Variants in CASK observed in about 807,000 individuals in gnomAD.
CASK encodes the protein calcium/calmodulin dependent serine protein kinase, also known as peripheral plasma membrane protein CASK.
CASK carries 4 observed loss-of-function variants against 82.9 expected under a neutral mutation model. The ratio of observed to expected loss-of-function variants is 0.05; its 90% CI spans 0.02 to 0.11. The LOEUF is 0.11. CASK is among the 10% of genes least tolerant of loss of function. The probability of loss-of-function intolerance (pLI) is 1.00; values close to 1 mark genes in which losing one functional copy is unlikely to be tolerated. For missense variants in CASK, 358 were observed against 720.9 expected, an observed-to-expected ratio of 0.50 and a Z score of 5.76; for synonymous variants, 259 against 253.5, an observed-to-expected ratio of 1.02 and a Z score of -0.20.
chrX:41,899,266 A>G (rs745790228), intron 1 of CASK, among the ~76,000 whole-genome samples: 3 of 111,660 alleles, frequency 2.7e-5, no homozygotes, highest in Admixed American at 1.9e-4. Flanking sequence ...TTTGCACAGA[A>G]TATCTTTTTC....
At chrX:41,786,359 T>TC (rs1206007569) in intron 3 of CASK, among the ~76,000 whole-genome samples, 6 of 110,928 alleles carry the variant, frequency 5.4e-5, no homozygotes, top group Admixed American at 4.8e-4. Flanking sequence ...TATCTTCTGT[T>TC]TTTTTTCCTA....
intron 21 of CASK, among the ~76,000 whole-genome samples, chrX:41,545,043 TG>T (rs1418785548): frequency 9.0e-6 from 1 of 111,524 alleles, no homozygotes; most frequent in Non-Finnish European, 1.9e-5. Context: ...TTTTTGTTTT[TG>T]AGACAGATTC....
intron 21 of CASK, among the ~76,000 whole-genome samples, chrX:41,552,317 T>G (rs997024962): frequency 5.5e-5 from 6 of 109,943 alleles, no homozygotes; most frequent in Admixed American, 3.9e-4. Flanking sequence ...TTTTTTTTCA[T>G]CAGGAGGATT....
intron 3 of CASK, among the ~76,000 whole-genome samples, chrX:41,776,282 C>T (rs1323739650): frequency 8.9e-6 from 1 of 112,125 alleles, no homozygotes. Flanking sequence ...TTTTCAGCTC[C>T]ATTATACTCT....
chrX:41,676,431 T>C (rs1261421306), intron 5 of CASK: 2 of 1,196,190 alleles, frequency 1.7e-6, no homozygotes, highest in African/African-American at 3.5e-5. Flanking sequence ...CAGGCTGCCA[T>C]GTCATCATAT....
At chrX:41,838,044 G>A (rs1369348259) in intron 2 of CASK, among the ~76,000 whole-genome samples, 1 of 111,345 alleles carries the variant, frequency 9.0e-6, no homozygotes, top group Non-Finnish European at 1.9e-5. Flanking sequence ...TAAGAGACAG[G>A]GTCTCCCTAT....
At chrX:41,615,967 C>G (rs1037212545) in intron 11 of CASK, among the ~76,000 whole-genome samples, 1 of 111,795 alleles carries the variant, frequency 8.9e-6, no homozygotes, top group East Asian at 2.8e-4. Flanking sequence ...GTTTATGTAG[C>G]AGTTTATTAA....
chrX:41,806,094 C>A (rs140835817), intron 2 of CASK, among the ~76,000 whole-genome samples: 3 of 111,489 alleles, frequency 2.7e-5, no homozygotes, highest in Non-Finnish European at 5.6e-5. Context: ...AGGTACAGAA[C>A]AGGAACCTGT....
chrX:41,664,065 C>T (rs1245604341), intron 7 of CASK, among the ~76,000 whole-genome samples: 1 of 111,550 alleles, frequency 9.0e-6, no homozygotes, highest in African/African-American at 3.3e-5. Context: ...CCAGCTGACT[C>T]TGGGAGGAGC....
chrX:41,676,741 C>T (rs1221037702), intron 5 of CASK, among the ~76,000 whole-genome samples: 1 of 112,284 alleles, frequency 8.9e-6, no homozygotes. Flanking sequence ...AAAAAGGAGA[C>T]CAATTAAGAG....
rs756153609 is a variant in CASK at position 41,622,747 on chromosome X, G to A, written c.1016-113C>T. On this transcript the variant is annotated intron_variant, in intron 10 of 26. Coordinates refer to ENST00000378163, the MANE Select transcript of CASK (RefSeq NM_001367721.1). ...GAGCCACCAGAAGCATGGTCCCCCA[G>A]CTGACCCCAAAGTGAGCCCTCATGT... 31 of 525,861 alleles carry A rather than the reference G, an allele frequency of 5.9e-5. No individual in the cohort carries two copies. The East Asian group carries it at 1.2e-3, about 21-fold the overall frequency. 43.3% of individuals were successfully genotyped at this position (525,861 alleles called of 1,213,427 possible). A position where few individuals can be genotyped will look rare whatever the true frequency, so the allele number is the denominator to read the frequency against.
At position 41,515,025 on chromosome X, in the gene CASK, C is replaced by T. The variant is rs1230695345; in HGVS notation, c.*5395G>A. 8.9e-6 allele frequency: 1 copy of T among 112,515 alleles called. No homozygotes were observed. The highest frequency in any genetic ancestry group is 1.9e-5 in the Non-Finnish European group (1 of 53,304). The allele number at this position is 112,515 out of a possible 1,213,427, so 9.3% of individuals were successfully genotyped here. On this transcript the variant is annotated 3_prime_UTR_variant, in exon 27 of 27. Transcript: ENST00000378163. ...TGGTTTCCCATTACACAGCATCCTACAGGTATGTATATTCTACAAGGAATA... is the reference window on the plus strand; with the variant it reads ...TGGTTTCCCATTACACAGCATCCTATAGGTATGTATATTCTACAAGGAATA...
chrX:41,646,640 T>A (rs1182210953), intron 8 of CASK, among the ~76,000 whole-genome samples: 1 of 111,685 alleles, frequency 9.0e-6, no homozygotes, highest in Admixed American at 9.5e-5. Flanking sequence ...CCCATTACCA[T>A]CCCACTCTCT....
chrX:41,914,408 C>A (rs763433245), intron 1 of CASK, among the ~76,000 whole-genome samples: 1 of 112,282 alleles, frequency 8.9e-6, no homozygotes, highest in Non-Finnish European at 1.9e-5. Context: ...AAATAGCACG[C>A]ACTTAGATAC....
chrX:41,673,355 A>G (rs1230347325), intron 5 of CASK, among the ~76,000 whole-genome samples: 1 of 111,985 alleles, frequency 8.9e-6, no homozygotes, highest in Non-Finnish European at 1.9e-5. Flanking sequence ...CCTGGTCTCA[A>G]GTGATCCTCT....
At chrX:41,733,832 G>A (rs958725269) in intron 5 of CASK, among the ~76,000 whole-genome samples, 4 of 111,898 alleles carry the variant, frequency 3.6e-5, no homozygotes, top group African/African-American at 6.5e-5. Context: ...TATACAACAT[G>A]ATAAACTTTG....
intron 11 of CASK, among the ~76,000 whole-genome samples, chrX:41,613,613 C>T (rs1328069627): frequency 1.1e-5 from 1 of 93,209 alleles, no homozygotes; most frequent in Admixed American, 1.2e-4. Context: ...GCGAGAAACA[C>T]CCAAGAATGA....
In CASK at chrX:41,717,180, GA is replaced by G. The variant is rs1334057660; in HGVS notation, c.429+22203del. Among the ~76,000 whole-genome samples the G allele has an allele frequency of 8.9e-5, 10 of 111,918 alleles. No homozygotes were observed. In the Admixed American group the frequency reaches 9.5e-4, roughly 11 times the overall value. Reference sequence around the variant, plus strand: ...CCAATGGAGACAGGACACAGTAGTAGAAACTCATTGCATTAGGAATAAAAAC... The same window carrying G: ...CCAATGGAGACAGGACACAGTAGTAGAACTCATTGCATTAGGAATAAAAAC... On this transcript the variant is annotated intron_variant, in intron 5 of 26. Transcript: ENST00000378163.
chrX:41,790,804 T>C (rs1456229620), intron 2 of CASK, among the ~76,000 whole-genome samples: 3 of 112,389 alleles, frequency 2.7e-5, no homozygotes, highest in South Asian at 3.7e-4. Flanking sequence ...ATTCCAACTA[T>C]AGATTCCACG....
Sources: allele counts gnomAD v4.1 joint callset (sites outside exome capture counted in the v4.1 genomes callset), GRCh38; gene constraint gnomAD v4.1.1; transcripts MANE v1.5; gene names NCBI Gene and HGNC (gene_info 2026-07-23, HGNC 2026-07-21).